Variants in PLOD2 observed in about 807,000 individuals in gnomAD.
PLOD2 encodes lysine hydroxylase 2.
In PLOD2, 65 loss-of-function variants were observed where a neutral mutation model predicts 101.0. That is an observed-to-expected ratio of 0.64 (90% confidence interval 0.53 to 0.79). PLOD2 has a LOEUF of 0.79. PLOD2 is among the 30% of genes least tolerant of loss of function. The pLI is 0.00. For synonymous variants in PLOD2, 314 were observed against 302.9 expected (o/e 1.04, Z -0.38); for missense variants, 909 against 914.6 (o/e 0.99, Z 0.08).
chr3:146,137,697 G>A (rs1256031068), intron 1 of PLOD2, among the ~76,000 whole-genome samples: 1 of 152,154 alleles, frequency 6.6e-6, no homozygotes, highest in Non-Finnish European at 1.5e-5. Context: ...CACACCCCAA[G>A]AGTTTCTGAT....
intron 4 of PLOD2, among the ~76,000 whole-genome samples, chr3:146,107,121 C>G (rs2108063023): frequency 6.6e-6 from 1 of 152,292 alleles, no homozygotes; most frequent in East Asian, 1.9e-4. Context: ...CAAACGAATG[C>G]TGGATTTGTC....
intron 1 of PLOD2, among the ~76,000 whole-genome samples, chr3:146,154,543 T>C (rs541944337): frequency 1.3e-5 from 2 of 152,076 alleles, no homozygotes; most frequent in Admixed American, 6.5e-5. Flanking sequence ...TTGCTATTTA[T>C]AGATTTTTTC....
At position 146,121,212 on chromosome 3, in the gene PLOD2, C is replaced by A; in HGVS notation, c.238G>T (p.Gly80Ter). 6.2e-7 allele frequency: 1 copy of A among 1,610,650 alleles called. No homozygotes were observed. The highest frequency in any genetic ancestry group is 8.5e-7 in the Non-Finnish European group (1 of 1,177,116). The change falls in exon 3 of 20, where the codon GGA becomes TGA. Residue 80 changes from glycine to a stop codon, truncating the protein, a stop_gained. Transcript: ENST00000282903. LOFTEE classifies it high-confidence loss of function. ...TGGCCCCCTCCAATACTATTAATTCCATCACCACCTCTCCATTCTTCTCCT... is the reference window on the plus strand; with the variant it reads ...TGGCCCCCTCCAATACTATTAATTCAATCACCACCTCTCCATTCTTCTCCT... Reference protein sequence around the residue: ...GQGEEWRGGDGINSIGGGQKV... With the variant: ...GQGEEWRGGD
chr3:146,124,548 A>C (rs80310602), intron 1 of PLOD2, among the ~76,000 whole-genome samples: 2,195 of 152,230 alleles, frequency 0.014, 58 homozygotes, highest in African/African-American at 0.05. Context: ...CATGATTAAG[A>C]TTCTCTGACA....
At chr3:146,072,069 G>T (rs971036999) in intron 17 of PLOD2, among the ~76,000 whole-genome samples, 23 of 151,714 alleles carry the variant, frequency 1.5e-4, no homozygotes, top group African/African-American at 5.6e-4. Flanking sequence ...ACTGGCAGTA[G>T]TATTTCCTGC....
intron 8 of PLOD2, among the ~76,000 whole-genome samples, chr3:146,089,515 T>TAC (rs1936902570): frequency 6.6e-6 from 1 of 151,640 alleles, no homozygotes; most frequent in Admixed American, 6.6e-5. Context: ...TATAATGTCT[T>TAC]ACTAAAGCCA....
intron 3 of PLOD2, among the ~76,000 whole-genome samples, chr3:146,116,703 A>G (rs527348767): frequency 1.3e-5 from 2 of 152,294 alleles, no homozygotes; most frequent in South Asian, 4.1e-4. Flanking sequence ...AATGGTTACA[A>G]CTGGAGGTTA....
intron 3 of PLOD2, among the ~76,000 whole-genome samples, 162 bp downstream of exon 3, chr3:146,120,950 T>C (rs578222152): frequency 2.0e-4 from 31 of 152,292 alleles, no homozygotes; most frequent in African/African-American, 4.1e-4. Flanking sequence ...CTTGAACTCC[T>C]GACCTTGTGA....
intron 11 of PLOD2, among the ~76,000 whole-genome samples, chr3:146,082,836 A>G (rs548504751): frequency 8.7e-4 from 132 of 152,302 alleles, no homozygotes; most frequent in African/African-American, 3.0e-3. Context: ...CGGAGGTTGC[A>G]GTGAGCCAAG....
chr3:146,092,258 G>A (rs1937001153), intron 7 of PLOD2, among the ~76,000 whole-genome samples: 1 of 151,996 alleles, frequency 6.6e-6, no homozygotes, highest in Non-Finnish European at 1.5e-5. Flanking sequence ...ACAAATAAGA[G>A]TCACATGAAT....
At chr3:146,131,952 A>T (rs2030938324) in intron 1 of PLOD2, among the ~76,000 whole-genome samples, 1 of 152,144 alleles carries the variant, frequency 6.6e-6, no homozygotes, top group Non-Finnish European at 1.5e-5. Flanking sequence ...CCTAAAAAGG[A>T]TGTGTCAAGA....
At chr3:146,080,508 TTA>T (rs778803400) in intron 12 of PLOD2, among the ~76,000 whole-genome samples, 44 of 151,006 alleles carry the variant, frequency 2.9e-4, no homozygotes, top group African/African-American at 5.1e-4. Context: ...GTGTTTCAAC[TTA>T]TACACACACA....
intron 1 of PLOD2, among the ~76,000 whole-genome samples, chr3:146,157,168 T>C (rs2032338494): frequency 6.6e-6 from 1 of 152,218 alleles, no homozygotes; most frequent in Non-Finnish European, 1.5e-5. Context: ...CCTCATTGAC[T>C]GCACGCTACT....
At chr3:146,154,855 T>G (rs907032582) in intron 1 of PLOD2, among the ~76,000 whole-genome samples, 15 of 152,204 alleles carry the variant, frequency 9.9e-5, no homozygotes, top group Non-Finnish European at 4.4e-5. Flanking sequence ...TAAACCTGAT[T>G]GTATTGTTTT....
intron 16 of PLOD2, 32 bp downstream of exon 16, chr3:146,073,255 A>T (rs185408955): frequency 8.1e-6 from 7 of 869,284 alleles, no homozygotes; most frequent in African/African-American, 3.4e-5. Context: ...TAACAGCAAA[A>T]TTTTCTATAC....
intron 9 of PLOD2, 91 bp downstream of exon 9, chr3:146,088,495 C>T (rs1471102165): frequency 9.8e-6 from 9 of 917,950 alleles, no homozygotes; most frequent in Admixed American, 2.1e-5. Flanking sequence ...TGAACTTAAC[C>T]CAATGAATTT....
chr3:146,160,937 T>G lies in PLOD2; in HGVS notation c.53A>C (p.His18Pro). Reference protein sequence around the residue: ...PQLLLLALVLHPWNPCLGADS... With the variant: ...PQLLLLALVLPPWNPCLGADS... ...CGCACCCAGACAGGGATTCCAGGGG[T>G]GGAGGACGAGCGCCAGGAGCAGCAG... Residue 18 changes from histidine to proline, a missense_variant, in exon 1 of 20, where the codon CAC (histidine) becomes CCC (proline). His to Pro is a moderately conservative substitution (Grantham distance 77). Transcript: ENST00000282903. The G allele has an allele frequency of 6.2e-7, 1 of 1,600,316 alleles. No homozygotes were observed. The highest frequency in any genetic ancestry group is 1.1e-5 in the South Asian group (1 of 88,358).
chr3:146,137,535 C>T (rs190160449), intron 1 of PLOD2, among the ~76,000 whole-genome samples: 1 of 152,298 alleles, frequency 6.6e-6, no homozygotes. Context: ...AGACATGAGC[C>T]ACAGCACTGG....
chr3:146,094,996 G>C (rs190398266), intron 7 of PLOD2, among the ~76,000 whole-genome samples: 2 of 152,134 alleles, frequency 1.3e-5, no homozygotes, highest in South Asian at 2.1e-4. Flanking sequence ...AATATGTAGT[G>C]CTGGGAAAAC....
Sources: allele counts gnomAD v4.1 joint callset (sites outside exome capture counted in the v4.1 genomes callset), GRCh38; gene constraint gnomAD v4.1.1; transcripts MANE v1.5; gene names NCBI Gene and HGNC (gene_info 2026-07-23, HGNC 2026-07-21).